The following REDIC1 variants were observed in gnomAD, a reference collection of about 807,000 sequenced individuals.
The protein encoded by REDIC1 is HEI10 Interacting Protein 1.
the REDIC1 span, among the ~76,000 whole-genome samples, chr12:39,732,683 C>T: frequency 1.3e-5 from 2 of 152,206 alleles, no homozygotes; most frequent in African/African-American, 4.8e-5. Context: ...AGTAGGCTCT[C>T]TGTCATCCTC....
chr12:39,638,113 C>A, the REDIC1 span, among the ~76,000 whole-genome samples: 8 of 151,936 alleles, frequency 5.3e-5, no homozygotes, highest in African/African-American at 1.7e-4. Flanking sequence ...ACAACAACAA[C>A]AAAAAACAAA....
the REDIC1 span, among the ~76,000 whole-genome samples, chr12:39,707,211 A>G: frequency 1.3e-5 from 2 of 151,980 alleles, no homozygotes; most frequent in Non-Finnish European, 2.9e-5. Context: ...ATTTGAATAG[A>G]CATTTCTCAA....
chr12:39,687,373 T>C, the REDIC1 span, among the ~76,000 whole-genome samples: 88 of 152,314 alleles, frequency 5.8e-4, no homozygotes, highest in African/African-American at 1.9e-3. Context: ...GAAGCAGGAT[T>C]CTGGGGAAGA....
At chr12:39,657,542 G>GT in the REDIC1 span, among the ~76,000 whole-genome samples, 1 of 152,154 alleles carries the variant, frequency 6.6e-6, no homozygotes, top group Admixed American at 6.5e-5. Flanking sequence ...TTTTATTACA[G>GT]TTTTAAGTTT....
the REDIC1 span, among the ~76,000 whole-genome samples, chr12:39,876,571 A>G: frequency 1.2e-4 from 18 of 152,314 alleles, no homozygotes; most frequent in Admixed American, 1.0e-3. Context: ...TAAATTAAAA[A>G]TTAAAGACTG....
At chr12:39,637,529 T>A in the REDIC1 span, among the ~76,000 whole-genome samples, 1 of 152,072 alleles carries the variant, frequency 6.6e-6, no homozygotes, top group Non-Finnish European at 1.5e-5. Context: ...TAAAACAACG[T>A]TGAAAGCTAA....
chr12:39,665,032 T>C, the REDIC1 span, among the ~76,000 whole-genome samples: 6 of 152,264 alleles, frequency 3.9e-5, no homozygotes, highest in African/African-American at 1.4e-4. Context: ...TGCCTGTTCA[T>C]TCTGATCATA....
chr12:39,905,822 G>GGAA, the REDIC1 span, among the ~76,000 whole-genome samples: 3 of 145,402 alleles, frequency 2.1e-5, no homozygotes, highest in Non-Finnish European at 3.0e-5. Flanking sequence ...AAAATGCCCA[G>GGAA]AAAAAAAAAA....
At chr12:39,823,015 G>A in the REDIC1 span, among the ~76,000 whole-genome samples, 10 of 152,266 alleles carry the variant, frequency 6.6e-5, no homozygotes, top group South Asian at 1.9e-3. Flanking sequence ...CTAAATCCAA[G>A]GGAGTCTAAA....
the REDIC1 span, among the ~76,000 whole-genome samples, chr12:39,748,334 T>C: frequency 6.6e-6 from 1 of 152,182 alleles, no homozygotes; most frequent in Non-Finnish European, 1.5e-5. Context: ...AGCCATTACA[T>C]AATGGTAAAG....
the REDIC1 span, among the ~76,000 whole-genome samples, chr12:39,751,791 C>G: frequency 6.6e-6 from 1 of 152,084 alleles, no homozygotes; most frequent in South Asian, 2.1e-4. Context: ...TCTCAGCAAA[C>G]TATCACAAGG....
At chr12:39,763,436 T>G in the REDIC1 span, among the ~76,000 whole-genome samples, 5 of 152,106 alleles carry the variant, frequency 3.3e-5, no homozygotes, top group African/African-American at 1.2e-4. Context: ...ATGTATTTAT[T>G]CATTTGACAA....
At chr12:39,750,900 C>G in the REDIC1 span, among the ~76,000 whole-genome samples, 2 of 152,204 alleles carry the variant, frequency 1.3e-5, no homozygotes, top group South Asian at 2.1e-4. Flanking sequence ...ACACCTTATA[C>G]AAAAATTAAT....
chr12:39,782,249 C>CTG, the REDIC1 span, among the ~76,000 whole-genome samples: 1 of 152,140 alleles, frequency 6.6e-6, no homozygotes, highest in African/African-American at 2.4e-5. Flanking sequence ...CATGGTTTGG[C>CTG]TGTGTCCCCA....
At chr12:39,654,392 C>T in the REDIC1 span, among the ~76,000 whole-genome samples, 1 of 151,938 alleles carries the variant, frequency 6.6e-6, no homozygotes, top group Non-Finnish European at 1.5e-5. Flanking sequence ...TCGAGATCAT[C>T]CTGACTAACA....
At chr12:39,783,608 T>A in the REDIC1 span, among the ~76,000 whole-genome samples, 1 of 152,256 alleles carries the variant, frequency 6.6e-6, no homozygotes, top group Admixed American at 6.5e-5. Context: ...GATTTGCATT[T>A]CTCTCATGGC....
At chr12:39,902,042 G>A in the REDIC1 span, among the ~76,000 whole-genome samples, 2 of 152,004 alleles carry the variant, frequency 1.3e-5, no homozygotes, top group East Asian at 1.9e-4. Context: ...GTCCTTTGTA[G>A]GGACATGGAT....
At chr12:39,722,832 C>G in the REDIC1 span, among the ~76,000 whole-genome samples, 1 of 152,156 alleles carries the variant, frequency 6.6e-6, no homozygotes, top group Admixed American at 6.6e-5. Context: ...TTACTCTTGG[C>G]TTCTGGGAGG....
At chr12:39,821,044 T>C in the REDIC1 span, among the ~76,000 whole-genome samples, 1 of 152,234 alleles carries the variant, frequency 6.6e-6, no homozygotes, top group African/African-American at 2.4e-5. Flanking sequence ...TGGCAATTCC[T>C]TTCATAATTT....
Sources: gnomAD v4.1 joint callset for allele counts (sites outside exome capture counted in the v4.1 genomes callset) on GRCh38, gnomAD v4.1.1 for gene constraint, MANE v1.5 for transcripts, NCBI Gene and HGNC (gene_info 2026-07-23, HGNC 2026-07-21) for gene names.